The following RAI14 variants were observed in gnomAD, a reference collection of about 807,000 sequenced individuals.
RAI14 encodes ankycorbin.
Under a neutral mutation model 115.4 loss-of-function variants are expected in RAI14, and 45 were observed. That is an observed-to-expected ratio of 0.39 (90% CI 0.31 to 0.50). The LOEUF (loss-of-function observed/expected upper bound fraction) is 0.50, where lower values mean the gene tolerates loss of function less well. RAI14 is among the 20% of genes least tolerant of loss of function. RAI14 has a pLI of 0.85. For missense variants in RAI14, 939 were observed against 1,131.2 expected, an observed-to-expected ratio of 0.83 and a Z score of 2.44; for synonymous variants, 371 against 415.4, an observed-to-expected ratio of 0.89 and a Z score of 1.30.
intron 2 of RAI14, among the ~76,000 whole-genome samples, chr5:34,724,407 T>C (rs1743189874): frequency 6.6e-6 from 1 of 152,188 alleles, no homozygotes; most frequent in Admixed American, 6.5e-5. Context: ...GTTTTGGTTA[T>C]TAAAGTATGC....
intron 2 of RAI14, among the ~76,000 whole-genome samples, chr5:34,724,868 A>G (rs1743245172): frequency 6.6e-6 from 1 of 152,170 alleles, no homozygotes; most frequent in Non-Finnish European, 1.5e-5. Context: ...CATTTGATTG[A>G]GGCTAAGAAA....
intron 2 of RAI14, among the ~76,000 whole-genome samples, chr5:34,753,415 G>A (rs1747400829): frequency 6.6e-6 from 1 of 152,146 alleles, no homozygotes; most frequent in Non-Finnish European, 1.5e-5. Context: ...TCCAAAGAAT[G>A]ACTCAAAGTG....
intron 2 of RAI14, chr5:34,687,568 A>T: frequency 6.9e-7 from 1 of 1,443,146 alleles, no homozygotes; most frequent in Non-Finnish European, 9.1e-7. Flanking sequence ...AGGGAGAAAA[A>T]CATAGCAGAG....
intron 2 of RAI14, among the ~76,000 whole-genome samples, chr5:34,748,181 A>G (rs1212984348): frequency 6.6e-6 from 1 of 152,152 alleles, no homozygotes; most frequent in African/African-American, 2.4e-5. Context: ...AAGTGCTGAC[A>G]CTCTTCATTT....
At chr5:34,699,053 G>A (rs970019482) in intron 2 of RAI14, among the ~76,000 whole-genome samples, 1 of 152,160 alleles carries the variant, frequency 6.6e-6, no homozygotes, top group African/African-American at 2.4e-5. Flanking sequence ...ATCTGGCGTG[G>A]CCTTAGCATT....
intron 1 of RAI14, among the ~76,000 whole-genome samples, chr5:34,665,005 A>G (rs80015925): frequency 0.67 from 8,037 of 11,916 alleles, 2,725 homozygotes; most frequent in Non-Finnish European, 0.77. Context: ...ATATATGTGT[A>G]TATATATATA....
Position 34,817,831 on chromosome 5 carries a change from G to A in RAI14, c.940-966G>A, listed in dbSNP as rs114062910. ...CTAGGAATGATGCGGGCAAGGACTG[G>A]TTGTAATGAAGCATGAAGAAGCTTT... On this transcript the variant is annotated intron_variant, in intron 12 of 17. Coordinates refer to ENST00000265109, the MANE Select transcript of RAI14 (RefSeq NM_015577.3). Among the ~76,000 whole-genome samples, 1,017 of 152,258 alleles carry A rather than the reference G, an allele frequency of 6.7e-3. 16 individuals are homozygous for A. The highest frequency in any genetic ancestry group is 0.023 in the African/African-American group (965 of 41,542).
intron 1 of RAI14, among the ~76,000 whole-genome samples, chr5:34,669,551 C>T (rs900596566): frequency 3.3e-5 from 5 of 152,160 alleles, no homozygotes; most frequent in Admixed American, 6.5e-5. Context: ...GCTACAGGCT[C>T]GGGTGGCAGG....
At chr5:34,708,394 G>T (rs546898805) in intron 2 of RAI14, among the ~76,000 whole-genome samples, 45 of 152,170 alleles carry the variant, frequency 3.0e-4, no homozygotes, top group Non-Finnish European at 3.2e-4. Context: ...TAGAGACAGG[G>T]TTTCTCCACG....
At chr5:34,762,865 C>T (rs766236935) in intron 3 of RAI14, among the ~76,000 whole-genome samples, 5 of 151,568 alleles carry the variant, frequency 3.3e-5, no homozygotes, top group Non-Finnish European at 5.9e-5. Context: ...AAATCACTGC[C>T]GGCACTGTAG....
chr5:34,686,208 G>A (rs147376294), intron 1 of RAI14, among the ~76,000 whole-genome samples: 51 of 152,286 alleles, frequency 3.3e-4, no homozygotes, highest in Non-Finnish European at 7.2e-4. Flanking sequence ...ATTTTGTACA[G>A]TGACAGTTAA....
intron 3 of RAI14, among the ~76,000 whole-genome samples, chr5:34,773,039 T>C (rs1036130093): frequency 6.6e-6 from 1 of 152,204 alleles, no homozygotes; most frequent in African/African-American, 2.4e-5. Context: ...ACATTTCCTA[T>C]TGTAATGAAA....
At chr5:34,773,638 A>G (rs1259425153) in intron 3 of RAI14, among the ~76,000 whole-genome samples, 1 of 152,196 alleles carries the variant, frequency 6.6e-6, no homozygotes, top group Non-Finnish European at 1.5e-5. Context: ...AAATGGCCAC[A>G]GCTATATGAA....
chr5:34,754,525 G>GTAGAGACGGGGTTTCACCGT (rs1284386794), intron 2 of RAI14, among the ~76,000 whole-genome samples: 86 of 141,994 alleles, frequency 6.1e-4, no homozygotes, highest in Middle Eastern at 7.3e-3. Flanking sequence ...ACCACGCCCA[G>GTAGAGACGGGGTTTCACCGT]GCTCTTACCT....
chr5:34,679,058 G>A (rs934375898), intron 1 of RAI14, among the ~76,000 whole-genome samples: 11 of 152,154 alleles, frequency 7.2e-5, no homozygotes, highest in African/African-American at 2.4e-4. Context: ...CTCCATTTTA[G>A]ATTTTTCAGG....
At chr5:34,733,848 C>A (rs1744501935) in intron 2 of RAI14, among the ~76,000 whole-genome samples, 1 of 152,198 alleles carries the variant, frequency 6.6e-6, no homozygotes, top group African/African-American at 2.4e-5. Flanking sequence ...TCGGGCTCTG[C>A]CTTCAGTTGG....
intron 3 of RAI14, among the ~76,000 whole-genome samples, chr5:34,784,097 C>T (rs1033620776): frequency 1.3e-5 from 2 of 152,176 alleles, no homozygotes; most frequent in Admixed American, 6.6e-5. Context: ...AGTTGGGCGT[C>T]GCTGGATAAT....
At chr5:34,741,137 A>G (rs916261717) in intron 2 of RAI14, among the ~76,000 whole-genome samples, 1 of 152,230 alleles carries the variant, frequency 6.6e-6, no homozygotes, top group African/African-American at 2.4e-5. Flanking sequence ...AAAAAATTCT[A>G]TTTTAATGGA....
chr5:34,800,505 A>G (rs1396855871), intron 4 of RAI14, among the ~76,000 whole-genome samples: 1 of 152,218 alleles, frequency 6.6e-6, no homozygotes, highest in Non-Finnish European at 1.5e-5. Context: ...TATTTCGTCC[A>G]GAAAATTTTG....
Sources: gnomAD v4.1 joint callset for allele counts (sites outside exome capture counted in the v4.1 genomes callset) on GRCh38, gnomAD v4.1.1 for gene constraint, MANE v1.5 for transcripts, NCBI Gene and HGNC (gene_info 2026-07-23, HGNC 2026-07-21) for gene names.